Variants in RBFOX1 observed in about 807,000 individuals in gnomAD.
The protein encoded by RBFOX1 is RNA binding protein fox-1 homolog 1.
RBFOX1 carries 8 observed loss-of-function variants against 57.7 expected under a neutral mutation model. That is an observed-to-expected ratio of 0.14 (90% CI 0.08 to 0.25). RBFOX1 has a LOEUF of 0.25. Among genes scored for constraint, RBFOX1 ranks in the 10% least tolerant of loss-of-function variants. RBFOX1 has a pLI of 1.00. For synonymous variants in RBFOX1, 326 were observed against 222.4 expected, an observed-to-expected ratio of 1.47 and a Z score of -4.15; for missense variants, 611 against 548.5, an observed-to-expected ratio of 1.11 and a Z score of -1.14.
intron 1 of RBFOX1, among the ~76,000 whole-genome samples, chr16:5,259,853 C>T (rs560168628): frequency 1.3e-5 from 2 of 152,188 alleles, no homozygotes; most frequent in South Asian, 2.1e-4. Flanking sequence ...TTTAACACCA[C>T]GTGGGGGCCA....
intron 4 of RBFOX1, among the ~76,000 whole-genome samples, chr16:7,501,048 G>A: frequency 6.6e-6 from 1 of 152,166 alleles, no homozygotes; most frequent in Admixed American, 6.5e-5. Context: ...GTTTCCTGAG[G>A]CCTCTCCAGC....
In RBFOX1 at chr16:6,226,374, C is replaced by CA. The variant is rs368116983; in HGVS notation, c.-126-90604dup. ...GGCAACAAGAGTGAAACTCTGTCTC[C>CA]AAAAAAAAAAAAAAAAACAAAAAAA... On this transcript the variant is annotated intron_variant, in intron 1 of 15. Transcript: ENST00000550418. 1.4e-3 allele frequency among the ~76,000 whole-genome samples: 119 copies of CA among 86,546 alleles called. 6 individuals carry two copies. Among genetic ancestry groups the CA allele is most frequent in the African/African-American group, 3.4e-3 (73 of 21,524 alleles). 56.8% of individuals were successfully genotyped at this position (86,546 alleles called of 152,430 possible). A position where few individuals can be genotyped will look rare whatever the true frequency, so the allele number is the denominator to read the frequency against.
At chr16:6,494,704 C>G (rs911738880) in intron 2 of RBFOX1, among the ~76,000 whole-genome samples, 29 of 152,174 alleles carry the variant, frequency 1.9e-4, no homozygotes, top group African/African-American at 6.3e-4. Flanking sequence ...AGGAATGGGC[C>G]TTGGAGATCT....
At chr16:7,089,190 T>A (rs1299761271) in intron 4 of RBFOX1, among the ~76,000 whole-genome samples, 2 of 152,154 alleles carry the variant, frequency 1.3e-5, no homozygotes, top group Non-Finnish European at 2.9e-5. Context: ...GGAGACAGAG[T>A]TTATTATTAT....
intron 4 of RBFOX1, among the ~76,000 whole-genome samples, chr16:7,153,726 T>C (rs1212209771): frequency 5.9e-5 from 1 of 17,028 alleles, no homozygotes; most frequent in Non-Finnish European, 1.2e-4. Context: ...AGACAGTGTC[T>C]CAAAAAAAAA....
chr16:6,641,182 C>T (rs1402760742), intron 2 of RBFOX1, among the ~76,000 whole-genome samples: 1 of 152,134 alleles, frequency 6.6e-6, no homozygotes, highest in Non-Finnish European at 1.5e-5. Context: ...CTTGTATTTG[C>T]AAACTGCATC....
intron 3 of RBFOX1, among the ~76,000 whole-genome samples, chr16:5,847,768 A>C (rs2056794031): frequency 6.6e-6 from 1 of 152,048 alleles, no homozygotes; most frequent in South Asian, 2.1e-4. Flanking sequence ...TGCAACAAAC[A>C]TTATAGCCAC....
intron 1 of RBFOX1, among the ~76,000 whole-genome samples, chr16:6,235,170 T>G (rs1040535005): frequency 1.3e-5 from 2 of 152,212 alleles, no homozygotes; most frequent in African/African-American, 4.8e-5. Context: ...TGGCTCTTCT[T>G]GCATTCTAAG....
At chr16:7,474,546 T>G (rs1204612479) in intron 4 of RBFOX1, among the ~76,000 whole-genome samples, 1 of 152,210 alleles carries the variant, frequency 6.6e-6, no homozygotes, top group East Asian at 1.9e-4. Flanking sequence ...GCAATTACGG[T>G]TTTTGCCTTT....
chr16:5,564,019 A>C (rs548569742), intron 2 of RBFOX1, among the ~76,000 whole-genome samples: 2 of 151,796 alleles, frequency 1.3e-5, no homozygotes, highest in African/African-American at 4.8e-5. Flanking sequence ...TTTTTAAAAA[A>C]TTTTTTTATT....
At chr16:5,687,557 T>C (rs1412673137) in intron 3 of RBFOX1, among the ~76,000 whole-genome samples, 2 of 152,220 alleles carry the variant, frequency 1.3e-5, no homozygotes, top group Non-Finnish European at 2.9e-5. Flanking sequence ...CCCATGTAAA[T>C]AGTATCTTAA....
intron 5 of RBFOX1, among the ~76,000 whole-genome samples, chr16:7,576,149 G>C (rs1298123132): frequency 5.9e-5 from 9 of 151,578 alleles, no homozygotes; most frequent in African/African-American, 2.2e-4. Flanking sequence ...TATGTTGCAG[G>C]CTGGTGTCAA....
At chr16:5,773,818 C>T (rs1296855068) in intron 3 of RBFOX1, among the ~76,000 whole-genome samples, 1 of 152,124 alleles carries the variant, frequency 6.6e-6, no homozygotes, top group Non-Finnish European at 1.5e-5. Flanking sequence ...CTGCCTCAAC[C>T]TCCTGAGTAG....
chr16:5,333,243 C>T (rs1033762238), intron 1 of RBFOX1, among the ~76,000 whole-genome samples: 4 of 152,096 alleles, frequency 2.6e-5, no homozygotes, highest in African/African-American at 9.7e-5. Context: ...TCATTAAATG[C>T]AGGGGCTGAC....
chr16:6,380,180 A>T (rs2091645678), intron 2 of RBFOX1, among the ~76,000 whole-genome samples: 2 of 152,104 alleles, frequency 1.3e-5, no homozygotes, highest in Non-Finnish European at 2.9e-5. Flanking sequence ...GCCACATGGA[A>T]AATGGGAGAA....
At chr16:6,015,485 C>T (rs867451163), upstream of RBFOX1, among the ~76,000 whole-genome samples, 5 of 152,194 alleles carry the variant, frequency 3.3e-5, no homozygotes, top group African/African-American at 7.2e-5. Context: ...AAAGCAAATA[C>T]GCCTTACAAA....
Position 6,245,060 on chromosome 16 carries a change from G to A in RBFOX1, c.-126-71935G>A, listed in dbSNP as rs370060219. 5.9e-5 allele frequency among the ~76,000 whole-genome samples: 9 copies of A among 152,158 alleles called. No individual in the cohort carries two copies. The East Asian group carries it at 1.2e-3, about 20-fold the overall frequency. On this transcript the variant is annotated intron_variant, in intron 1 of 15. Coordinates refer to ENST00000550418, the MANE Select transcript of RBFOX1 (RefSeq NM_018723.4). ...ATTCTTCCTCGTCCTCTTGTTTGATGGTTTCTTGGCAGAAGCTATATCTTC... is the reference window on the plus strand; with the variant it reads ...ATTCTTCCTCGTCCTCTTGTTTGATAGTTTCTTGGCAGAAGCTATATCTTC...
chr16:7,386,554 C>G (rs2097886021), intron 4 of RBFOX1, among the ~76,000 whole-genome samples: 1 of 151,760 alleles, frequency 6.6e-6, no homozygotes, highest in Admixed American at 6.6e-5. Flanking sequence ...AGGACATGAT[C>G]TCATGTTTTT....
chr16:5,610,281 C>G (rs536839950), intron 3 of RBFOX1: 2 of 152,380 alleles, frequency 1.3e-5, no homozygotes, highest in South Asian at 2.1e-4. Context: ...TAGTGAGCAG[C>G]TGCTGTACAC....
Sources: gnomAD v4.1 joint callset for allele counts (sites outside exome capture counted in the v4.1 genomes callset) on GRCh38, gnomAD v4.1.1 for gene constraint, MANE v1.5 for transcripts, NCBI Gene and HGNC (gene_info 2026-07-23, HGNC 2026-07-21) for gene names.